The following PPP6R1 variants were observed in gnomAD, a reference collection of about 807,000 sequenced individuals.
PPP6R1 encodes serine/threonine-protein phosphatase 6 regulatory subunit 1.
A neutral mutation model predicts 104.6 loss-of-function variants in PPP6R1; 39 were observed. The ratio of observed to expected loss-of-function variants is 0.37; its 90% CI spans 0.29 to 0.49. The LOEUF (loss-of-function observed/expected upper bound fraction) is 0.49. Among genes scored for constraint, PPP6R1 ranks in the 20% least tolerant of loss-of-function variants. The probability of loss-of-function intolerance (pLI) is 0.98; values close to 1 mark genes in which losing one functional copy is unlikely to be tolerated. For missense variants in PPP6R1, 1,181 were observed against 1,155.8 expected, an observed-to-expected ratio of 1.02 and a Z score of -0.32; for synonymous variants, 549 against 479.0, an observed-to-expected ratio of 1.15 and a Z score of -1.91.
Position 55,241,517 on chromosome 19 carries a change from C to G in PPP6R1, c.968G>C (p.Arg323Pro). 1 of 1,589,358 alleles carries G rather than the reference C, an allele frequency of 6.3e-7. No homozygotes were observed. Among genetic ancestry groups the G allele is most frequent in the African/African-American group, 1.3e-5 (1 of 74,460 alleles). ...CAGGAGCTGGTGGAAGCAGCTGAGC[C>G]GCGGGCGTAGGGCGTGCAAGGCGCC... ...SVGALHALRP[R>P]LSCFHQLLLE... Residue 323 changes from arginine to proline, a missense_variant, in exon 8 of 24, where the codon CGG (arginine) becomes CCG (proline). Arg to Pro is a moderately radical substitution (Grantham distance 103, BLOSUM62 -2). Around this residue, in one of 2 missense-constraint regions of PPP6R1, gnomAD observed 1,042 missense variants for 955.6 expected, o/e 1.09. Coordinates refer to ENST00000412770, the MANE Select transcript of PPP6R1 (RefSeq NM_014931.4). The surrounding 1 kb of genome is among the most constrained non-coding windows in gnomAD (Gnocchi z 5.4).
intron 7 of PPP6R1, among the ~76,000 whole-genome samples, 152 bp downstream of exon 7, chr19:55,242,014 C>T (rs1413475059): frequency 6.6e-6 from 1 of 152,174 alleles, no homozygotes; most frequent in Non-Finnish European, 1.5e-5. Flanking sequence ...CCCTCGGCCC[C>T]GTACTGTCCA....
At chr19:55,244,627 T>G (rs1212502654) in intron 5 of PPP6R1, among the ~76,000 whole-genome samples, 1 of 152,240 alleles carries the variant, frequency 6.6e-6, no homozygotes, top group Non-Finnish European at 1.5e-5. Context: ...GAAAAAAACC[T>G]TTCCAGCACT....
intron 22 of PPP6R1, 22 bp downstream of exon 22, chr19:55,230,751 CG>C: frequency 2.7e-6 from 4 of 1,472,550 alleles, no homozygotes; most frequent in Non-Finnish European, 2.7e-6. Context: ...CCCACCCCCC[CG>C]CCCTGCTGCC....
chr19:55,252,091 T>C (rs2087557897), intron 1 of PPP6R1, among the ~76,000 whole-genome samples: 1 of 152,124 alleles, frequency 6.6e-6, no homozygotes, highest in Non-Finnish European at 1.5e-5. Context: ...GAAAAGAGCT[T>C]ACAGGCTTCC....
chr19:55,228,800 G>C, downstream of PPP6R1: 7 of 1,566,412 alleles, frequency 4.5e-6, no homozygotes, highest in South Asian at 7.9e-5. Context: ...AGGGGGTGGA[G>C]GGGAGGGCTC....
rs2087328539 is a variant in PPP6R1, at chr19:55,230,329, C to T, written c.*199G>A. 2.9e-6 allele frequency: 2 copies of T among 682,076 alleles called. No homozygotes were observed. The highest frequency in any genetic ancestry group is 4.9e-6 in the Non-Finnish European group (2 of 408,824). The allele number at this position is 682,076 out of a possible 1,614,324, so 42.3% of individuals were successfully genotyped here. A position where few individuals can be genotyped will look rare whatever the true frequency, so the allele number is the denominator to read the frequency against. On this transcript the variant is annotated 3_prime_UTR_variant, in exon 24 of 24. Transcript: ENST00000412770. The stretch of plus-strand genomic sequence containing the variant: ...ATCTTTATTCTAGGAGGCAACGCTC[C>T]AAAACTTCTCTTCTCAGTGCAAATG...
chr19:55,240,411 T>A, intron 10 of PPP6R1, 111 bp from the exon 11 acceptor site: 1 of 1,086,232 alleles, frequency 9.2e-7, no homozygotes, highest in Non-Finnish European at 1.3e-6. Flanking sequence ...AGGCCCCCGC[T>A]CATCCAGAGA....
chr19:55,228,843 G>T, downstream of PPP6R1: 1 of 1,236,376 alleles, frequency 8.1e-7, no homozygotes, highest in Non-Finnish European at 1.2e-6. Context: ...AGCGTCCTGT[G>T]GACTCTGTGA....
intron 19 of PPP6R1, 38 bp from the exon 20 acceptor site, chr19:55,231,706 G>A: frequency 6.4e-7 from 1 of 1,552,854 alleles, no homozygotes. Flanking sequence ...GGGCAGCTAG[G>A]GTTAGCACTC....
rs540384594 is a variant in PPP6R1 at position 55,231,406 on chromosome 19, T to C, written c.2459+4A>G. The C allele has an allele frequency of 8.8e-6, 14 of 1,592,060 alleles. No individual in the cohort carries two copies. The highest frequency in any genetic ancestry group is 6.9e-5 in the South Asian group (6 of 87,110). ...ATACTAGGCAGCCCCACCTCGCTGC[T>C]CACCTGTCCGAGGAGCTGGGGGCAG... is the stretch of plus-strand genomic sequence containing the variant. On this transcript the variant is annotated splice_donor_region_variant and intron_variant, in intron 21 of 23. Transcript: ENST00000412770.
intron 5 of PPP6R1, among the ~76,000 whole-genome samples, chr19:55,244,408 G>A (rs1164937614): frequency 6.6e-6 from 1 of 152,254 alleles, no homozygotes; most frequent in African/African-American, 2.4e-5. Context: ...CTAAAGGGGA[G>A]GATGTGAGGG....
intron 1 of PPP6R1, among the ~76,000 whole-genome samples, chr19:55,251,664 G>C (rs576633543): frequency 5.8e-4 from 89 of 152,256 alleles, no homozygotes; most frequent in Admixed American, 5.6e-3. Context: ...CCAGATGCTA[G>C]ACCTCCTCAA....
intron 7 of PPP6R1, 47 bp downstream of exon 7, chr19:55,242,119 C>A: frequency 1.3e-6 from 2 of 1,561,646 alleles, no homozygotes; most frequent in Non-Finnish European, 8.8e-7. Flanking sequence ...GGCCGGAGAG[C>A]CCCTGGGGAT....
At chr19:55,242,128 A>T in intron 7 of PPP6R1, 38 bp downstream of exon 7, 1 of 1,575,682 alleles carries the variant, frequency 6.3e-7, no homozygotes, top group Non-Finnish European at 8.7e-7. Context: ...GCCCCTGGGG[A>T]TGGGCAGCAT....
At chr19:55,240,171 C>G in intron 11 of PPP6R1, 57 bp from the exon 12 acceptor site, 3 of 1,561,532 alleles carry the variant, frequency 1.9e-6, no homozygotes, top group South Asian at 1.2e-5. Context: ...GATGCCCAGC[C>G]CCAGCCCGGC....
At position 55,240,295 on chromosome 19, in the gene PPP6R1, C is replaced by G. The variant is rs1410134086; in HGVS notation, c.1302G>C (p.Leu434=). The G allele has an allele frequency of 1.9e-6, 3 of 1,590,922 alleles. No individual in the cohort carries two copies. The Admixed American group carries it at 5.3e-5, about 28-fold the overall frequency. ...PIQNPVVKHL[L]QQCRLVERIL... is the part of the protein sequence containing the mutation. ...TCCGCTCCACCAGGCGGCACTGCTG[C>G]AGCAGCTGCGGGAGAGCGGGACAGG... is the stretch of plus-strand genomic sequence containing the variant. The change falls in exon 11 of 24, where the codon CTG becomes CTC. Residue 434 remains leucine (L), a synonymous_variant. Coordinates refer to ENST00000412770, the MANE Select transcript of PPP6R1 (RefSeq NM_014931.4).
intron 1 of PPP6R1, among the ~76,000 whole-genome samples, chr19:55,256,849 CAG>C (rs1286905488): frequency 6.6e-6 from 1 of 152,294 alleles, no homozygotes; most frequent in East Asian, 1.9e-4. Flanking sequence ...CTACTGATTG[CAG>C]AGTGTCATGT....
chr19:55,255,112 A>C (rs1311096064), intron 1 of PPP6R1, among the ~76,000 whole-genome samples: 1 of 152,196 alleles, frequency 6.6e-6, no homozygotes, highest in Non-Finnish European at 1.5e-5. Flanking sequence ...CCACTTAAAG[A>C]GAACCCTCAG....
Position 55,245,299 on chromosome 19 carries a change from A to C in PPP6R1, c.518T>G (p.Val173Gly). 6.2e-7 allele frequency: 1 copy of C among 1,604,298 alleles called. No homozygotes were observed. ...MDLLLRLLTC[V>G]ERPQLRQDVV... ...ATCCTGCCTCAGCTGAGGCCGCTCC[A>C]CACAGGTGAGCAGGCGCAGCAGGAG... The change falls in exon 4 of 24, where the codon GTG (valine) becomes GGG (glycine). Residue 173 changes from valine to glycine, a missense_variant. Physicochemically the swap from Val to Gly is moderately radical, Grantham distance 109. Coordinates refer to ENST00000412770, the MANE Select transcript of PPP6R1 (RefSeq NM_014931.4). This position sits in a 1 kb window ranked among gnomAD's most constrained non-coding sequence, Gnocchi z 6.4.
Sources: allele counts gnomAD v4.1 joint callset (sites outside exome capture counted in the v4.1 genomes callset), GRCh38; gene constraint gnomAD v4.1.1; regional missense constraint gnomAD v4.1.1; non-coding constraint Gnocchi (gnomAD v3.1); transcripts MANE v1.5; gene names NCBI Gene and HGNC (gene_info 2026-07-23, HGNC 2026-07-21).